Variants in AK4 observed in about 807,000 individuals in gnomAD.
AK4 encodes adenylate kinase 4.
AK4 carries 13 observed loss-of-function variants against 24.6 expected under a neutral mutation model. The ratio of observed to expected loss-of-function variants is 0.53; its 90% confidence interval spans 0.34 to 0.84. The LOEUF (loss-of-function observed/expected upper bound fraction) is 0.84, where lower values mean the gene tolerates loss of function less well. AK4 is among the 40% of genes least tolerant of loss of function. The pLI is 0.01. For synonymous variants in AK4, 88 were observed against 107.0 expected (o/e 0.82, Z 1.10); for missense variants, 192 against 288.2 (o/e 0.67, Z 2.42).
chr1:65,148,639 C>T, intron 1 of AK4, 87 bp downstream of exon 1: 1 of 1,419,832 alleles, frequency 7.0e-7, no homozygotes, highest in Non-Finnish European at 9.3e-7. Flanking sequence ...CGGATCACGG[C>T]GCCCTTCCCC....
intron 1 of AK4, among the ~76,000 whole-genome samples, chr1:65,187,347 CAAAAAAAAA>C (rs150840960): frequency 1.5e-5 from 1 of 66,900 alleles, no homozygotes. Flanking sequence ...GACTCCGTCT[CAAAAAAAAA>C]AAAAAAAAAA....
At chr1:65,172,316 G>C (rs1650563926) in intron 1 of AK4, among the ~76,000 whole-genome samples, 1 of 151,822 alleles carries the variant, frequency 6.6e-6, no homozygotes, top group Admixed American at 6.6e-5. Flanking sequence ...AGAAAAAAGG[G>C]AGGGGAGATT....
chr1:65,181,466 A>G (rs1159553449), intron 1 of AK4, among the ~76,000 whole-genome samples: 1 of 149,526 alleles, frequency 6.7e-6, no homozygotes, highest in African/African-American at 2.5e-5. Flanking sequence ...GCGCTATCTC[A>G]GCTCACTGCT....
rs532895437 is a variant in AK4, at chr1:65,226,880, C to G, written c.*703C>G. 1.3e-5 allele frequency: 2 copies of G among 149,336 alleles called. No homozygotes were observed. The highest frequency in any genetic ancestry group is 2.9e-5 in the Non-Finnish European group (2 of 67,836). The allele number at this position is 149,336 out of a possible 1,614,324, so 9.3% of individuals were successfully genotyped here. Reference sequence around the variant, plus strand: ...TAAACAATAGTTATTGCTTTTATCCCTCTCAGATTCTAATAACTGAGAGCG... The same window carrying G: ...TAAACAATAGTTATTGCTTTTATCCGTCTCAGATTCTAATAACTGAGAGCG... On this transcript the variant is annotated 3_prime_UTR_variant, in exon 5 of 5. Transcript: ENST00000327299.
intron 1 of AK4, chr1:65,148,896 C>G (rs977004289): frequency 2.2e-5 from 4 of 181,418 alleles, no homozygotes; most frequent in Non-Finnish European, 3.4e-5. Context: ...CAGAGCCGTC[C>G]CCGTACCCCT....
intron 1 of AK4, among the ~76,000 whole-genome samples, chr1:65,180,540 T>C (rs1650864636): frequency 6.6e-6 from 1 of 152,252 alleles, no homozygotes; most frequent in Admixed American, 6.5e-5. Flanking sequence ...TTTCTGCCTC[T>C]AAAGGACTTT....
intron 1 of AK4, among the ~76,000 whole-genome samples, chr1:65,157,808 C>A (rs1650028876): frequency 6.6e-6 from 1 of 151,894 alleles, no homozygotes; most frequent in African/African-American, 2.4e-5. Flanking sequence ...AAAAAATTAA[C>A]TGAGGCTGCA....
chr1:65,183,312 G>A (rs187474642), intron 1 of AK4, among the ~76,000 whole-genome samples: 7 of 152,172 alleles, frequency 4.6e-5, no homozygotes, highest in Admixed American at 1.3e-4. Flanking sequence ...GTGAAGTGGC[G>A]TTATCTTGGC....
chr1:65,182,074 CCTGA>C (rs2101027122), intron 1 of AK4, among the ~76,000 whole-genome samples: 1 of 152,184 alleles, frequency 6.6e-6, no homozygotes, highest in Non-Finnish European at 1.5e-5. Context: ...TGCCACCACG[CCTGA>C]CTAATTTTAC....
chr1:65,191,653 G>A (rs1651311393), intron 2 of AK4, among the ~76,000 whole-genome samples: 2 of 151,794 alleles, frequency 1.3e-5, no homozygotes, highest in Admixed American at 1.3e-4. Context: ...GAAATCCTGG[G>A]GTGGATAGCC....
At chr1:65,172,077 A>G (rs1650548071) in intron 1 of AK4, among the ~76,000 whole-genome samples, 1 of 94,240 alleles carries the variant, frequency 1.1e-5, no homozygotes, top group South Asian at 3.3e-4. Context: ...ATATATATAT[A>G]TATATATATA....
chr1:65,154,633 TTTA>T, intron 1 of AK4: 1 of 482,426 alleles, frequency 2.1e-6, no homozygotes, highest in Non-Finnish European at 4.2e-6. Flanking sequence ...CGATATCAGT[TTTA>T]TTAAGTTGGA....
At chr1:65,225,876 A>G (rs906480019) in intron 4 of AK4, among the ~76,000 whole-genome samples, 187 bp from the exon 5 acceptor site, 1 of 152,180 alleles carries the variant, frequency 6.6e-6, no homozygotes. Context: ...CAGAATTGCA[A>G]AAGCTATGAC....
At chr1:65,153,362 C>T (rs1227556472) in intron 1 of AK4, among the ~76,000 whole-genome samples, 4 of 152,056 alleles carry the variant, frequency 2.6e-5, no homozygotes, top group Non-Finnish European at 4.4e-5. Context: ...CTTGATTTCC[C>T]GGGCTCAAGT....
At chr1:65,156,070 G>C (rs1020913370) in intron 1 of AK4, among the ~76,000 whole-genome samples, 9 of 152,168 alleles carry the variant, frequency 5.9e-5, no homozygotes, top group Admixed American at 2.0e-4. Flanking sequence ...TTCCAATTTT[G>C]TTAAATACTG....
chr1:65,167,163 G>A (rs1288783845), intron 1 of AK4, among the ~76,000 whole-genome samples: 1 of 152,144 alleles, frequency 6.6e-6, no homozygotes, highest in African/African-American at 2.4e-5. Context: ...TTATGTCATT[G>A]TTAAGAGGGG....
chr1:65,185,228 C>G (rs1201113039), intron 1 of AK4, among the ~76,000 whole-genome samples: 4 of 152,110 alleles, frequency 2.6e-5, no homozygotes, highest in Non-Finnish European at 5.9e-5. Context: ...CATGTAGGCA[C>G]GTAAGGCCCC....
Position 65,165,409 on chromosome 1 carries a change from GACAC to G in AK4, c.145+16862_145+16865del, listed in dbSNP as rs1650296195. On this transcript the variant is annotated intron_variant, in intron 1 of 4. Coordinates refer to ENST00000327299, the MANE Select transcript of AK4 (RefSeq NM_013410.4). The stretch of plus-strand genomic sequence containing the variant: ...TTAAGGGAACTTTGTGAGGTGAGAT[GACAC>G]ACACCACACCTTTTGTCCCAGCTAC... Among the ~76,000 whole-genome samples the G allele has an allele frequency of 2.6e-5, 4 of 152,122 alleles. No homozygotes were observed. In the South Asian group the frequency reaches 8.3e-4, roughly 32 times the overall value.
intron 1 of AK4, among the ~76,000 whole-genome samples, chr1:65,168,867 G>A (rs186215586): frequency 2.0e-5 from 3 of 152,254 alleles, no homozygotes; most frequent in Non-Finnish European, 2.9e-5. Context: ...AATGCTGGTA[G>A]CATGGTGGAA....
Sources: gnomAD v4.1 joint callset for allele counts (sites outside exome capture counted in the v4.1 genomes callset) on GRCh38, gnomAD v4.1.1 for gene constraint, MANE v1.5 for transcripts, NCBI Gene and HGNC (gene_info 2026-07-23, HGNC 2026-07-21) for gene names.